Variants in FHIT observed in about 807,000 individuals in gnomAD.
FHIT encodes bis(5'-adenosyl)-triphosphatase.
A neutral mutation model predicts 17.9 loss-of-function variants in FHIT; 19 were observed. That is an observed-to-expected ratio of 1.06 (90% CI 0.74 to 1.56). The LOEUF (loss-of-function observed/expected upper bound fraction) is 1.56, where lower values mean the gene tolerates loss of function less well. FHIT is among the 40% of genes most tolerant of loss of function. FHIT has a pLI of 0.00. For missense variants in FHIT, 248 were observed against 189.2 expected (o/e 1.31, Z -1.82); for synonymous variants, 81 against 69.7 (o/e 1.16, Z -0.81).
In FHIT at chr3:60,937,633, C is replaced by T. The variant is rs369160927; in HGVS notation, c.-111+104414G>A. On this transcript the variant is annotated intron_variant, in intron 3 of 9. Transcript: ENST00000492590. ...GGCTGGAGTGCAATGGTGAGGTCTC[C>T]GCTCACTGCAACCTCCACCTCCTAG... Among the ~76,000 whole-genome samples the T allele has an allele frequency of 2.6e-4, 37 of 142,610 alleles. 1 individual carries two copies. In the East Asian group the frequency reaches 7.0e-3, roughly 27 times the overall value. The allele number at this position is 142,610 out of a possible 152,430, so 93.6% of individuals were successfully genotyped here.
intron 5 of FHIT, among the ~76,000 whole-genome samples, chr3:60,184,489 A>T (rs1702079209): frequency 6.6e-6 from 1 of 152,066 alleles, no homozygotes; most frequent in African/African-American, 2.4e-5. Flanking sequence ...TGATTGCACT[A>T]TGTCTATGGT....
chr3:60,661,359 A>T (rs2040243054), intron 4 of FHIT, among the ~76,000 whole-genome samples: 1 of 152,134 alleles, frequency 6.6e-6, no homozygotes, highest in African/African-American at 2.4e-5. Context: ...AATTCCACCC[A>T]TGTAACTGTG....
chr3:60,518,830 G>A (rs998436550), intron 5 of FHIT, among the ~76,000 whole-genome samples: 1 of 152,088 alleles, frequency 6.6e-6, no homozygotes, highest in Non-Finnish European at 1.5e-5. Context: ...CCAACATGGG[G>A]AAACTTCGTC....
intron 4 of FHIT, among the ~76,000 whole-genome samples, chr3:60,620,908 C>A (rs1217979936): frequency 6.6e-6 from 1 of 152,042 alleles, no homozygotes; most frequent in Non-Finnish European, 1.5e-5. Context: ...GGGGCGTAGG[C>A]AAACTCTGCA....
intron 4 of FHIT, among the ~76,000 whole-genome samples, chr3:60,569,742 TATATATATATATA>T (rs2037295468): frequency 6.1e-5 from 4 of 66,094 alleles, no homozygotes; most frequent in African/African-American, 1.1e-4. Context: ...TATATATATA[TATATATATATATA>T]TTTTTTTTTT....
intron 5 of FHIT, among the ~76,000 whole-genome samples, chr3:60,146,379 T>C (rs1295196293): frequency 6.6e-6 from 1 of 151,792 alleles, no homozygotes; most frequent in Non-Finnish European, 1.5e-5. Flanking sequence ...GGATGAGCCA[T>C]CCCCAGCATG....
At chr3:60,112,896 G>C (rs912499781) in intron 5 of FHIT, among the ~76,000 whole-genome samples, 1 of 152,150 alleles carries the variant, frequency 6.6e-6, no homozygotes. Flanking sequence ...TACTCCTTAT[G>C]GAACCACTTT....
chr3:60,901,423 T>C (rs1706106131), intron 3 of FHIT, among the ~76,000 whole-genome samples: 1 of 152,222 alleles, frequency 6.6e-6, no homozygotes, highest in Non-Finnish European at 1.5e-5. Context: ...AGATCTTTTA[T>C]TAAGTGAAAG....
chr3:60,264,469 A>T (rs981217596), intron 5 of FHIT, among the ~76,000 whole-genome samples: 2 of 145,042 alleles, frequency 1.4e-5, no homozygotes, highest in African/African-American at 2.4e-5. Context: ...TACTCAACTT[A>T]AGAAAAGACT....
At chr3:60,678,953 G>T (rs2040684734) in intron 4 of FHIT, among the ~76,000 whole-genome samples, 1 of 119,118 alleles carries the variant, frequency 8.4e-6, no homozygotes. Context: ...TAACTGTTTT[G>T]AGTCCTTAAA....
intron 5 of FHIT, among the ~76,000 whole-genome samples, chr3:60,442,878 C>T (rs2031013669): frequency 6.6e-6 from 1 of 152,128 alleles, no homozygotes; most frequent in African/African-American, 2.4e-5. Flanking sequence ...TGGCCATTTT[C>T]ATGATATTGA....
intron 5 of FHIT, among the ~76,000 whole-genome samples, chr3:60,469,771 G>C (rs975948468): frequency 1.3e-5 from 2 of 152,126 alleles, no homozygotes; most frequent in Non-Finnish European, 2.9e-5. Context: ...GTCTGGGCTT[G>C]TTTCTGCCTA....
intron 7 of FHIT, among the ~76,000 whole-genome samples, chr3:59,952,730 T>C (rs1707182815): frequency 6.6e-6 from 1 of 152,202 alleles, no homozygotes; most frequent in Admixed American, 6.5e-5. Flanking sequence ...TAATTTCTTT[T>C]TCTTGGAACC....
rs557803371 is a variant in FHIT, at chr3:60,902,512, A to G, written c.-110-80501T>C. On this transcript the variant is annotated intron_variant, in intron 3 of 9. Coordinates refer to ENST00000492590, the MANE Select transcript of FHIT (RefSeq NM_002012.4). ...CCATAGCCAGGCCTGATCAAATAAC[A>G]TATTCAGTCATCCTGATAATATGGA... Among the ~76,000 whole-genome samples, 5 of 152,322 alleles carry G rather than the reference A, an allele frequency of 3.3e-5. No homozygotes were observed. The East Asian group carries it at 7.7e-4, about 23-fold the overall frequency.
At chr3:60,365,010 A>C (rs1396090531) in intron 5 of FHIT, among the ~76,000 whole-genome samples, 1 of 151,532 alleles carries the variant, frequency 6.6e-6, no homozygotes, top group Non-Finnish European at 1.5e-5. Flanking sequence ...TACATGAAAC[A>C]ATTTCATATA....
At chr3:61,002,877 T>G (rs995436225) in intron 3 of FHIT, among the ~76,000 whole-genome samples, 2 of 152,180 alleles carry the variant, frequency 1.3e-5, no homozygotes, top group Non-Finnish European at 2.9e-5. Context: ...CCCCTTCTGA[T>G]AGTTGCTTGC....
chr3:60,710,385 C>T (rs1000206466), intron 4 of FHIT, among the ~76,000 whole-genome samples: 7 of 152,166 alleles, frequency 4.6e-5, no homozygotes, highest in East Asian at 1.9e-4. Flanking sequence ...CTGAGGTACC[C>T]GGTTCATCTC....
intron 5 of FHIT, among the ~76,000 whole-genome samples, chr3:60,207,602 T>C (rs868482282): frequency 6.6e-6 from 1 of 152,146 alleles, no homozygotes; most frequent in Non-Finnish European, 1.5e-5. Context: ...ATCATACTAT[T>C]TAATATGGCG....
At chr3:60,543,874 A>G (rs908509742) in intron 4 of FHIT, among the ~76,000 whole-genome samples, 3 of 137,204 alleles carry the variant, frequency 2.2e-5, no homozygotes, top group African/African-American at 8.2e-5. Flanking sequence ...CCTCCAGAGT[A>G]GCTGGGACTA....
Sources: allele counts gnomAD v4.1 joint callset (sites outside exome capture counted in the v4.1 genomes callset), GRCh38; gene constraint gnomAD v4.1.1; transcripts MANE v1.5; gene names NCBI Gene and HGNC (gene_info 2026-07-23, HGNC 2026-07-21).